The following SOX6 variants were observed in gnomAD, a reference collection of about 807,000 sequenced individuals.
SOX6 encodes SRY-box transcription factor 6, also known as transcription factor SOX-6.
A neutral mutation model predicts 97.8 loss-of-function variants in SOX6; 11 were observed. That is an observed-to-expected ratio of 0.11 (90% CI 0.07 to 0.19). The LOEUF (loss-of-function observed/expected upper bound fraction) is 0.19. SOX6 is among the 10% of genes least tolerant of loss of function. The probability of loss-of-function intolerance (pLI) is 1.00; values close to 1 mark genes in which losing one functional copy is unlikely to be tolerated. For missense variants in SOX6, 810 were observed against 1,039.5 expected (o/e 0.78, Z 3.04); for synonymous variants, 360 against 371.4 (o/e 0.97, Z 0.35).
At chr11:16,497,471 G>T (rs11529582) in intron 4 of SOX6, among the ~76,000 whole-genome samples, 1 of 151,956 alleles carries the variant, frequency 6.6e-6, no homozygotes, top group Non-Finnish European at 1.5e-5. Context: ...GACAGAGAAT[G>T]ACTTTGATAA....
intron 6 of SOX6, 96 bp from the exon 7 acceptor site, chr11:16,112,019 A>G (rs1463055977): frequency 6.8e-7 from 1 of 1,471,972 alleles, no homozygotes; most frequent in African/African-American, 1.4e-5. Flanking sequence ...GTACCCACAC[A>G]GCCACCCACC....
intron 6 of SOX6, among the ~76,000 whole-genome samples, chr11:16,176,582 C>T (rs1219665433): frequency 1.3e-5 from 2 of 151,936 alleles, no homozygotes; most frequent in Non-Finnish European, 2.9e-5. Flanking sequence ...CATTGCACTA[C>T]AAAAAGATTC....
chr11:16,341,828 A>C (rs1221919245), intron 1 of SOX6, among the ~76,000 whole-genome samples: 1 of 152,080 alleles, frequency 6.6e-6, no homozygotes, highest in Non-Finnish European at 1.5e-5. Flanking sequence ...GGCTGGGCCT[A>C]ACACTACTTA....
intron 1 of SOX6, among the ~76,000 whole-genome samples, chr11:16,350,701 C>T (rs1856920427): frequency 6.6e-6 from 1 of 152,118 alleles, no homozygotes; most frequent in Non-Finnish European, 1.5e-5. Flanking sequence ...GAGATAAATG[C>T]TTACATAGCA....
At chr11:16,529,419 A>G (rs1375838577) in intron 4 of SOX6, among the ~76,000 whole-genome samples, 1 of 152,116 alleles carries the variant, frequency 6.6e-6, no homozygotes, top group Non-Finnish European at 1.5e-5. Context: ...CTATATTGGA[A>G]GATCCTGTTA....
intron 6 of SOX6, among the ~76,000 whole-genome samples, chr11:16,180,400 C>G (rs1238530762): frequency 6.6e-6 from 1 of 151,614 alleles, no homozygotes; most frequent in African/African-American, 2.4e-5. Context: ...TCAATATTCC[C>G]AACTCCAAAG....
chr11:16,256,349 T>C (rs1402316920), intron 3 of SOX6, among the ~76,000 whole-genome samples: 3 of 151,938 alleles, frequency 2.0e-5, no homozygotes, highest in Non-Finnish European at 4.4e-5. Flanking sequence ...AAGAATTATA[T>C]ACCACAATCA....
chr11:16,730,793 T>C (rs760355946), intron 2 of SOX6, among the ~76,000 whole-genome samples: 5 of 151,870 alleles, frequency 3.3e-5, no homozygotes, highest in Non-Finnish European at 7.4e-5. Context: ...TTCAAAAAAA[T>C]TCAATAAATC....
At chr11:16,367,083 A>T (rs549462149) in intron 1 of SOX6, among the ~76,000 whole-genome samples, 2 of 152,308 alleles carry the variant, frequency 1.3e-5, no homozygotes, top group South Asian at 4.1e-4. Flanking sequence ...TAATGGGTAG[A>T]GATAGAAAAT....
intron 1 of SOX6, among the ~76,000 whole-genome samples, chr11:16,444,500 G>A (rs1196919776): frequency 2.6e-5 from 4 of 152,138 alleles, no homozygotes; most frequent in African/African-American, 9.7e-5. Flanking sequence ...GCAAGGATAA[G>A]TTGGCATCTT....
intron 1 of SOX6, chr11:16,408,748 C>T (rs1178330703): frequency 6.6e-6 from 1 of 151,692 alleles, no homozygotes; most frequent in Non-Finnish European, 1.5e-5. Context: ...CACTATGTTG[C>T]ACAGGCTGGC....
intron 4 of SOX6, among the ~76,000 whole-genome samples, chr11:16,523,523 G>A (rs967548112): frequency 3.3e-5 from 5 of 151,808 alleles, no homozygotes; most frequent in African/African-American, 1.2e-4. Context: ...GCCCACAAGA[G>A]AAAGCAGGAA....
At chr11:16,543,284 A>T (rs934387979) in intron 4 of SOX6, among the ~76,000 whole-genome samples, 1 of 152,096 alleles carries the variant, frequency 6.6e-6, no homozygotes, top group Non-Finnish European at 1.5e-5. Flanking sequence ...ATATACCACC[A>T]TATATTTTTG....
At chr11:16,277,324 T>C (rs774722521) in intron 3 of SOX6, among the ~76,000 whole-genome samples, 7 of 151,996 alleles carry the variant, frequency 4.6e-5, no homozygotes, top group South Asian at 4.2e-4. Flanking sequence ...CACTCCACCA[T>C]GTGAGGATGC....
chr11:16,703,221 T>C (rs1032004212), intron 3 of SOX6, among the ~76,000 whole-genome samples: 1 of 152,102 alleles, frequency 6.6e-6, no homozygotes, highest in African/African-American at 2.4e-5. Flanking sequence ...CTAACGTCTA[T>C]GAGGGTATCT....
chr11:16,149,358 AT>A (rs903498934), intron 6 of SOX6, among the ~76,000 whole-genome samples: 2 of 152,134 alleles, frequency 1.3e-5, no homozygotes, highest in African/African-American at 4.8e-5. Context: ...AGAAAAAAAA[AT>A]ATGCAATAAA....
At chr11:16,004,090 T>C (rs11023823) in intron 13 of SOX6, among the ~76,000 whole-genome samples, 46,873 of 151,532 alleles carry the variant, frequency 0.31, 8,619 homozygotes, top group Non-Finnish European at 0.41. Context: ...CAAGTAAGCA[T>C]ACAATGGGAC....
chr11:16,239,180 T>C (rs1194190733), intron 3 of SOX6, among the ~76,000 whole-genome samples: 2 of 152,100 alleles, frequency 1.3e-5, no homozygotes, highest in Non-Finnish European at 2.9e-5. Flanking sequence ...AAGAGCACTC[T>C]TAAATTTTAA....
chr11:16,708,816 C>T (rs1848155783), intron 3 of SOX6, among the ~76,000 whole-genome samples: 1 of 152,112 alleles, frequency 6.6e-6, no homozygotes, highest in African/African-American at 2.4e-5. Flanking sequence ...TTTCAGGTAA[C>T]ATATTTTTCT....
Sources: gnomAD v4.1 joint callset for allele counts (sites outside exome capture counted in the v4.1 genomes callset) on GRCh38, gnomAD v4.1.1 for gene constraint, MANE v1.5 for transcripts, NCBI Gene and HGNC (gene_info 2026-07-23, HGNC 2026-07-21) for gene names.